PRR5L: variants seen among roughly 807,000 people sequenced by gnomAD.
PRR5L encodes the protein proline-rich protein 5-like.
A neutral mutation model predicts 36.4 loss-of-function variants in PRR5L; 21 were observed. That is an observed-to-expected ratio of 0.58 (90% CI 0.41 to 0.83). PRR5L has a LOEUF of 0.83. Among genes scored for constraint, PRR5L ranks in the 40% least tolerant of loss-of-function variants. PRR5L has a pLI of 0.00. For missense variants in PRR5L, 381 were observed against 473.3 expected (o/e 0.80, Z 1.81); for synonymous variants, 188 against 197.0 (o/e 0.95, Z 0.38).
In PRR5L at chr11:36,425,374, G is replaced by A. The variant is rs115969445; in HGVS notation, c.294+6071G>A. On this transcript the variant is annotated intron_variant, in intron 4 of 8. Transcript: ENST00000530639. The stretch of plus-strand genomic sequence containing the variant: ...CAGCCCAGGTCATCTGGCCACAGAA[G>A]AAAAATCTCTTGGATTATATTTAAA... 184 of 152,274 alleles carry A rather than the reference G, an allele frequency of 1.2e-3. 1 individual carries two copies. The highest frequency in any genetic ancestry group is 4.2e-3 in the African/African-American group (174 of 41,550). The allele number at this position is 152,274 out of a possible 1,614,324, so 9.4% of individuals were successfully genotyped here. A position where few individuals can be genotyped will look rare whatever the true frequency, so the allele number is the denominator to read the frequency against.
chr11:36,325,644 G>C (rs902902078), intron 1 of PRR5L, among the ~76,000 whole-genome samples: 4 of 152,136 alleles, frequency 2.6e-5, no homozygotes, highest in African/African-American at 9.7e-5. Context: ...TATCTGATTG[G>C]TCGGGTGTGA....
At chr11:36,343,541 C>T (rs143042291) in intron 1 of PRR5L, among the ~76,000 whole-genome samples, 18 of 152,238 alleles carry the variant, frequency 1.2e-4, no homozygotes, top group African/African-American at 4.1e-4. Flanking sequence ...TCACTGAGCA[C>T]GCAGTAAAGG....
rs545939467 is a variant in PRR5L at position 36,418,936 on chromosome 11, C to G, written c.246-319C>G. ...GGAGGAGTGCAAAATGATGATCTTT[C>G]TCTTCCTTCTTTTTGCTTCATATAA... On this transcript the variant is annotated intron_variant, in intron 3 of 8. Coordinates refer to ENST00000530639, the MANE Select transcript of PRR5L (RefSeq NM_001160167.2). 2.6e-3 allele frequency among the ~76,000 whole-genome samples: 389 copies of G among 152,316 alleles called. 1 individual carries two copies. The highest frequency in any genetic ancestry group is 3.8e-3 in the Non-Finnish European group (260 of 68,032).
intron 1 of PRR5L, among the ~76,000 whole-genome samples, chr11:36,309,266 G>T (rs984532591): frequency 6.6e-6 from 1 of 152,048 alleles, no homozygotes; most frequent in Non-Finnish European, 1.5e-5. Context: ...AAGCATCAAC[G>T]CCAAGAAATT....
At chr11:36,415,407 A>G (rs1241742770) in intron 3 of PRR5L, among the ~76,000 whole-genome samples, 9 of 152,350 alleles carry the variant, frequency 5.9e-5, no homozygotes, top group Admixed American at 5.2e-4. Context: ...GACATAGAGA[A>G]GAGGACACAC....
chr11:36,411,095 C>T (rs866915575), intron 3 of PRR5L, among the ~76,000 whole-genome samples: 4 of 152,214 alleles, frequency 2.6e-5, no homozygotes, highest in South Asian at 4.1e-4. Context: ...GCTGCCTCAT[C>T]GTCTTTAACC....
chr11:36,330,808 G>T (rs1856711031), intron 1 of PRR5L, among the ~76,000 whole-genome samples: 1 of 152,062 alleles, frequency 6.6e-6, no homozygotes, highest in Non-Finnish European at 1.5e-5. Flanking sequence ...ACAGATTTTT[G>T]TTTGTTTGTT....
At chr11:36,319,256 T>C (rs569222633) in intron 1 of PRR5L, among the ~76,000 whole-genome samples, 1 of 152,312 alleles carries the variant, frequency 6.6e-6, no homozygotes, top group South Asian at 2.1e-4. Context: ...GTGGACAGGA[T>C]GAAGCTGAGA....
intron 8 of PRR5L, among the ~76,000 whole-genome samples, chr11:36,457,563 G>A (rs544273966): frequency 4.0e-5 from 6 of 150,844 alleles, no homozygotes; most frequent in East Asian, 2.0e-4. Context: ...CCAAGTTCGC[G>A]CCACTGCACT....
At chr11:36,416,636 G>A (rs527484169) in intron 3 of PRR5L, among the ~76,000 whole-genome samples, 1 of 152,276 alleles carries the variant, frequency 6.6e-6, no homozygotes, top group East Asian at 1.9e-4. Flanking sequence ...CTTTGTCTTG[G>A]AAGTTGCATT....
intron 1 of PRR5L, among the ~76,000 whole-genome samples, chr11:36,319,911 G>A (rs887945900): frequency 3.3e-5 from 5 of 152,254 alleles, no homozygotes; most frequent in Middle Eastern, 3.4e-3. Flanking sequence ...AGGGGAGGGG[G>A]ATTTACCAGC....
intron 8 of PRR5L, 85 bp downstream of exon 8, chr11:36,451,420 C>G: frequency 7.4e-6 from 11 of 1,494,124 alleles, no homozygotes; most frequent in Non-Finnish European, 1.0e-5. Context: ...TAACTGAGCA[C>G]TGATACCAGC....
chr11:36,413,308 C>T (rs780529306), intron 3 of PRR5L, among the ~76,000 whole-genome samples: 6 of 152,088 alleles, frequency 3.9e-5, no homozygotes, highest in Non-Finnish European at 7.4e-5. Context: ...TGGTGGATTC[C>T]CAGGACTTGT....
chr11:36,344,536 A>C lies in PRR5L; in HGVS notation c.-126+48098A>C, dbSNP rs1335803805. On this transcript the variant is annotated intron_variant, in intron 1 of 8. Transcript: ENST00000530639. This position sits in a 1 kb window ranked among gnomAD's most constrained non-coding sequence, Gnocchi z 4.1. ...ATTTGTACTTTTGCTATTGTCAATA[A>C]CAACAAAACGGCCATCTCTGAAGGT... Among the ~76,000 whole-genome samples, 1 of 152,226 alleles carries C rather than the reference A, an allele frequency of 6.6e-6. No individual in the cohort carries two copies. The highest frequency in any genetic ancestry group is 1.5e-5 in the Non-Finnish European group (1 of 68,028).
At chr11:36,394,580 A>G (rs1318242483) in intron 1 of PRR5L, 2 of 152,166 alleles carry the variant, frequency 1.3e-5, no homozygotes, top group South Asian at 2.1e-4. Flanking sequence ...CTAGGGGGGA[A>G]TCTGCTTCTT....
At chr11:36,370,948 A>C (rs1857192459) in intron 1 of PRR5L, among the ~76,000 whole-genome samples, 1 of 152,102 alleles carries the variant, frequency 6.6e-6, no homozygotes, top group South Asian at 2.1e-4. Context: ...TCCAAGAAAA[A>C]TTCAAGTAGG....
At chr11:36,361,125 A>G (rs1857082171) in intron 1 of PRR5L, among the ~76,000 whole-genome samples, 1 of 152,186 alleles carries the variant, frequency 6.6e-6, no homozygotes, top group Non-Finnish European at 1.5e-5. Context: ...GCTCAAAACT[A>G]TTTTAACAAG....
intron 3 of PRR5L, among the ~76,000 whole-genome samples, chr11:36,418,651 C>G (rs1858198122): frequency 6.6e-6 from 1 of 151,974 alleles, no homozygotes. Context: ...AAAAAATTAG[C>G]CGGGCATGGT....
intron 1 of PRR5L, among the ~76,000 whole-genome samples, chr11:36,393,215 G>A (rs1048032328): frequency 2.6e-5 from 4 of 152,060 alleles, no homozygotes; most frequent in African/African-American, 9.7e-5. Context: ...TTTTGCTTTG[G>A]TTTCCTGTGC....
Sources: allele counts gnomAD v4.1 joint callset (sites outside exome capture counted in the v4.1 genomes callset), GRCh38; gene constraint gnomAD v4.1.1; non-coding constraint Gnocchi (gnomAD v3.1); transcripts MANE v1.5; gene names NCBI Gene and HGNC (gene_info 2026-07-23, HGNC 2026-07-21).